The following IGSF21 variants were observed in gnomAD, a reference collection of about 807,000 sequenced individuals.
The protein encoded by IGSF21 is immunoglobulin superfamily member 21.
Under a neutral mutation model 46.8 loss-of-function variants are expected in IGSF21, and 28 were observed. The observed-to-expected ratio is 0.60, with a 90% CI of 0.44 to 0.82. The LOEUF is 0.82. Among genes scored for constraint, IGSF21 ranks in the 40% least tolerant of loss-of-function variants. The pLI is 0.00. For missense variants in IGSF21, 624 were observed against 665.5 expected, an observed-to-expected ratio of 0.94 and a Z score of 0.69; for synonymous variants, 284 against 273.6, an observed-to-expected ratio of 1.04 and a Z score of -0.38.
chr1:18,242,119 T>A (rs2084736629), intron 2 of IGSF21, among the ~76,000 whole-genome samples: 2 of 152,206 alleles, frequency 1.3e-5, no homozygotes, highest in East Asian at 1.9e-4. Context: ...ACAGAGGCTG[T>A]CAACGTCAAA....
At chr1:18,276,697 A>G (rs1199151475) in intron 2 of IGSF21, among the ~76,000 whole-genome samples, 1 of 150,844 alleles carries the variant, frequency 6.6e-6, no homozygotes, top group Non-Finnish European at 1.5e-5. Flanking sequence ...TCTGGGGCCA[A>G]ATTTGTCCTG....
intron 1 of IGSF21, among the ~76,000 whole-genome samples, chr1:18,162,063 G>A (rs2086631151): frequency 6.6e-6 from 1 of 151,836 alleles, no homozygotes; most frequent in Non-Finnish European, 1.5e-5. Context: ...TTTTGAGACA[G>A]GGTGTCACTC....
chr1:18,375,535 C>T (rs2086271822), intron 6 of IGSF21, among the ~76,000 whole-genome samples: 1 of 152,178 alleles, frequency 6.6e-6, no homozygotes, highest in Non-Finnish European at 1.5e-5. Flanking sequence ...TCTTGGCTTT[C>T]AAGCTCAGAG....
intron 3 of IGSF21, among the ~76,000 whole-genome samples, chr1:18,323,829 C>G (rs537105463): frequency 6.6e-6 from 1 of 152,016 alleles, no homozygotes; most frequent in African/African-American, 2.4e-5. Context: ...GGTTGGGGGG[C>G]GGTGAAAATC....
Position 18,365,168 on chromosome 1 carries a change from G to A in IGSF21, c.541-55G>A. ...CCCAGTTCATCGGAGAACCCACTGG[G>A]AGGTTGAAGTTAGTAGCACAAAATC... is the stretch of plus-strand genomic sequence containing the variant. On this transcript the variant is annotated intron_variant, in intron 5 of 9. Transcript: ENST00000251296. The surrounding 1 kb of genome is among the most constrained non-coding windows in gnomAD (Gnocchi z 4.8). 2 of 1,375,214 alleles carry A rather than the reference G, an allele frequency of 1.5e-6. No individual in the cohort carries two copies. Among genetic ancestry groups the A allele is most frequent in the Non-Finnish European group, 2.0e-6 (2 of 985,566 alleles). 85.2% of individuals were successfully genotyped at this position (1,375,214 alleles called of 1,614,324 possible).
intron 1 of IGSF21, among the ~76,000 whole-genome samples, chr1:18,155,278 C>A (rs1466875488): frequency 6.6e-6 from 1 of 152,144 alleles, no homozygotes; most frequent in African/African-American, 2.4e-5. Flanking sequence ...GAGAGAGCCT[C>A]GCCCCTGCAT....
chr1:18,261,348 C>T (rs1383065856), intron 2 of IGSF21, among the ~76,000 whole-genome samples: 2 of 152,122 alleles, frequency 1.3e-5, no homozygotes, highest in African/African-American at 2.4e-5. Context: ...AGGCAGGGTT[C>T]GGATGCTGGA....
chr1:18,332,786 T>C (rs1266114860), intron 3 of IGSF21, among the ~76,000 whole-genome samples: 1 of 152,168 alleles, frequency 6.6e-6, no homozygotes, highest in Non-Finnish European at 1.5e-5. Context: ...CTGTGTGTTC[T>C]ATGTAAATGA....
chr1:18,163,497 A>C (rs2086648340), intron 1 of IGSF21, among the ~76,000 whole-genome samples: 1 of 152,184 alleles, frequency 6.6e-6, no homozygotes, highest in Non-Finnish European at 1.5e-5. Context: ...AAACCATGAC[A>C]CATTTGCACA....
At position 18,365,536 on chromosome 1, in the gene IGSF21, A is replaced by G. The variant is rs767296110; in HGVS notation, c.854A>G (p.Tyr285Cys). 2 of 1,613,680 alleles carry G rather than the reference A, an allele frequency of 1.2e-6. No homozygotes were observed. Among genetic ancestry groups the G allele is most frequent in the African/African-American group, 2.7e-5 (2 of 74,766 alleles). Residue 285 changes from tyrosine (Y) to cysteine (C), a missense_variant, in exon 6 of 10, where the codon TAC (tyrosine) becomes TGC (cysteine). Coordinates refer to ENST00000251296, the MANE Select transcript of IGSF21 (RefSeq NM_032880.5). The surrounding 1 kb of genome is among the most constrained non-coding windows in gnomAD (Gnocchi z 4.8). ...PRWVHSAEPT[Y>C]FLRHSRTPSS... ...TGGGTCCACAGCGCCGAGCCCACCT[A>G]CTTCCTGCGCCACAGCCGCACCCCG...
chr1:18,229,583 A>G (rs1379355748), intron 2 of IGSF21, among the ~76,000 whole-genome samples: 1 of 152,166 alleles, frequency 6.6e-6, no homozygotes, highest in Non-Finnish European at 1.5e-5. Context: ...GTTTAGAGTT[A>G]ATTCTAGTGC....
intron 1 of IGSF21, among the ~76,000 whole-genome samples, chr1:18,224,732 A>G (rs1393520995): frequency 6.6e-6 from 1 of 152,120 alleles, no homozygotes; most frequent in African/African-American, 2.4e-5. Context: ...GTTTAATTAT[A>G]CTTAACCCAA....
Position 18,328,347 on chromosome 1 carries a change from G to T in IGSF21, c.306-6545G>T, listed in dbSNP as rs80083253. On this transcript the variant is annotated intron_variant, in intron 3 of 9. Coordinates refer to ENST00000251296, the MANE Select transcript of IGSF21 (RefSeq NM_032880.5). ...AAAGCCCATTTTGTAATAAAGAGCT[G>T]AGTATCTCATGGAATGTATTAAATA... 2.8e-3 allele frequency among the ~76,000 whole-genome samples: 429 copies of T among 152,324 alleles called. 8 individuals are homozygous for T. The South Asian group carries it at 0.032, about 11-fold the overall frequency.
At chr1:18,190,602 C>T (rs2086946051) in intron 1 of IGSF21, among the ~76,000 whole-genome samples, 1 of 152,204 alleles carries the variant, frequency 6.6e-6, no homozygotes, top group Non-Finnish European at 1.5e-5. Context: ...GTAAACTCTG[C>T]TGGGCAGTGC....
rs564698410 is a variant in IGSF21 at position 18,169,167 on chromosome 1, A to G, written c.71-58731A>G. ...TCCCTCAGAGAAAGGCTCAGAATTC[A>G]CATTGGGCCCCAATGGCCCAGGCAG... On this transcript the variant is annotated intron_variant, in intron 1 of 9. Transcript: ENST00000251296. 7.9e-5 allele frequency among the ~76,000 whole-genome samples: 12 copies of G among 152,378 alleles called. No individual in the cohort carries two copies. The East Asian group carries it at 2.3e-3, about 29-fold the overall frequency.
At chr1:18,313,100 G>T (rs1000441001) in intron 3 of IGSF21, among the ~76,000 whole-genome samples, 2 of 152,142 alleles carry the variant, frequency 1.3e-5, no homozygotes, top group Admixed American at 1.3e-4. Flanking sequence ...TTGTTGGACC[G>T]AGCAGACCCG....
At chr1:18,376,663 C>T (rs1410781065) in intron 7 of IGSF21, 137 bp from the exon 8 acceptor site, 8 of 780,658 alleles carry the variant, frequency 1.0e-5, no homozygotes, top group Non-Finnish European at 1.7e-5. Context: ...CCTCCTCCTC[C>T]TGGAGTTCAG....
At chr1:18,317,608 T>G (rs924337548) in intron 3 of IGSF21, among the ~76,000 whole-genome samples, 5 of 152,204 alleles carry the variant, frequency 3.3e-5, no homozygotes, top group Admixed American at 6.5e-5. Flanking sequence ...GTGCACCCAA[T>G]GGCTCCACAT....
chr1:18,151,598 C>G (rs75951355), intron 1 of IGSF21, among the ~76,000 whole-genome samples: 1 of 152,042 alleles, frequency 6.6e-6, no homozygotes. Context: ...ATATAACAGG[C>G]GGGGGAGAGG....
Sources: allele counts gnomAD v4.1 joint callset (sites outside exome capture counted in the v4.1 genomes callset), GRCh38; gene constraint gnomAD v4.1.1; non-coding constraint Gnocchi (gnomAD v3.1); transcripts MANE v1.5; gene names NCBI Gene and HGNC (gene_info 2026-07-23, HGNC 2026-07-21).